The following NLRC5 variants were observed in gnomAD, a reference collection of about 807,000 sequenced individuals.
NLRC5 encodes the protein NLR family CARD domain containing 5, also known as protein NLRC5.
Under a neutral mutation model 206.9 loss-of-function variants are expected in NLRC5, and 114 were observed. The ratio of observed to expected loss-of-function variants is 0.55; its 90% CI spans 0.47 to 0.64. NLRC5 has a LOEUF of 0.64. Among genes scored for constraint, NLRC5 ranks in the 30% least tolerant of loss-of-function variants. NLRC5 has a pLI of 0.00. For missense variants in NLRC5, 2,008 were observed against 2,305.5 expected, an observed-to-expected ratio of 0.87 and a Z score of 2.64; for synonymous variants, 952 against 962.8, an observed-to-expected ratio of 0.99 and a Z score of 0.21.
Position 57,026,858 on chromosome 16 carries a change from C to A in NLRC5, c.1915C>A (p.Leu639Met). The A allele has an allele frequency of 2.5e-6, 4 of 1,614,248 alleles. No individual in the cohort carries two copies. Among genetic ancestry groups the A allele is most frequent in the Non-Finnish European group, 3.4e-6 (4 of 1,180,044 alleles). The part of the protein sequence containing the change: ...SLTAQSLPYQ[L>M]PFHNFPLTCT... ...CACCGCACAAAGCCTCCCCTATCAA[C>A]TGCCCTTCCACAATTTCCCACTGAC... The change falls in exon 6 of 49, where the codon CTG becomes ATG. Residue 639 changes from leucine to methionine, a missense_variant. By Grantham distance (15) the Leu-to-Met change is conservative. Coordinates refer to ENST00000688547, the MANE Select transcript of NLRC5 (RefSeq NM_001384950.1).
intron 38 of NLRC5, among the ~76,000 whole-genome samples, chr16:57,071,234 A>G (rs113936318): frequency 2.8e-3 from 190 of 68,662 alleles, no homozygotes; most frequent in East Asian, 5.1e-3. Context: ...GGAGTGAGTG[A>G]TGATGGTGGT....
rs71152231 is a variant in NLRC5 at position 57,030,438 on chromosome 16, AGATG to A, written c.2417+379_2417+382del. On this transcript the variant is annotated intron_variant, in intron 10 of 48. Coordinates refer to ENST00000688547, the MANE Select transcript of NLRC5 (RefSeq NM_001384950.1). ...TGAAAAGATGGATGGGTGGATGAAA[AGATG>A]GATGGATGGATGGATGGATGGATGA... 1.0e-4 allele frequency among the ~76,000 whole-genome samples: 9 copies of A among 89,642 alleles called. 1 individual carries two copies. The highest frequency in any genetic ancestry group is 3.1e-4 in the East Asian group (1 of 3,180). 58.8% of individuals were successfully genotyped at this position (89,642 alleles called of 152,430 possible).
intron 17 of NLRC5, chr16:57,041,212 T>C (rs2063240374): frequency 4.3e-6 from 2 of 467,256 alleles, no homozygotes; most frequent in South Asian, 5.7e-5. Flanking sequence ...CAGTCTTATC[T>C]GTCTTCCTCT....
rs758040701 is a variant in NLRC5, at chr16:57,025,801, G to A, written c.858G>A (p.Ser286=). ...LLFDLYLSPE[S]DHDTVFQYLE... is the part of the protein sequence containing the mutation. ...TTGATCTGTACCTGAGCCCTGAATC[G>A]GACCACGACACTGTCTTCCAGTACC... Residue 286 remains serine, a synonymous_variant, in exon 6 of 49, where the codon TCG becomes TCA. Transcript: ENST00000688547. 78 of 1,614,066 alleles carry A rather than the reference G, an allele frequency of 4.8e-5. No homozygotes were observed. The highest frequency in any genetic ancestry group is 3.3e-4 in the Middle Eastern group (2 of 6,084).
chr16:57,038,987 C>T (rs1339464911), intron 15 of NLRC5, among the ~76,000 whole-genome samples: 3 of 151,592 alleles, frequency 2.0e-5, no homozygotes, highest in African/African-American at 4.9e-5. Flanking sequence ...TAATCTGTTC[C>T]CATCAATAAT....
chr16:57,065,133 C>A, intron 32 of NLRC5, 79 bp from the exon 33 acceptor site: 1 of 963,788 alleles, frequency 1.0e-6, no homozygotes, highest in Non-Finnish European at 1.4e-6. Flanking sequence ...CTTGACACTC[C>A]TCCCCCGGCC....
At chr16:57,019,343 G>A (rs1314811260) in intron 2 of NLRC5, among the ~76,000 whole-genome samples, 2 of 152,126 alleles carry the variant, frequency 1.3e-5, no homozygotes, top group Non-Finnish European at 2.9e-5. Context: ...GCTGCAGTGA[G>A]CCGAGATTGC....
At chr16:57,016,849 C>A (rs1391908378) in intron 1 of NLRC5, among the ~76,000 whole-genome samples, 1 of 152,090 alleles carries the variant, frequency 6.6e-6, no homozygotes, top group Non-Finnish European at 1.5e-5. Flanking sequence ...CCAGGTGTGG[C>A]AGGAGGTGAC....
intron 32 of NLRC5, chr16:57,062,580 C>T (rs1488343225): frequency 1.9e-5 from 3 of 157,208 alleles, no homozygotes; most frequent in Admixed American, 6.3e-5. Context: ...GCACGTGTTC[C>T]TCTAACCCCG....
rs1027505324 is a variant in NLRC5, at chr16:57,010,920, G to A, written c.-127-6154G>A. 2.6e-5 allele frequency among the ~76,000 whole-genome samples: 4 copies of A among 151,360 alleles called. No individual in the cohort carries two copies. The East Asian group carries it at 7.8e-4, about 30-fold the overall frequency. ...GCTTTTTTTAAAAAAAAATCAAAATGTGCACATTAAAAAGTTTGAATGGTT... is the reference window on the plus strand; with the variant it reads ...GCTTTTTTTAAAAAAAAATCAAAATATGCACATTAAAAAGTTTGAATGGTT... On this transcript the variant is annotated intron_variant, in intron 1 of 48. Transcript: ENST00000688547.
chr16:57,004,377 C>T (rs2058670243), intron 1 of NLRC5: 1 of 152,346 alleles, frequency 6.6e-6, no homozygotes, highest in Non-Finnish European at 1.5e-5. Context: ...ATCTTCCTGC[C>T]TCAGCCTCCA....
At chr16:57,061,344 G>C in intron 30 of NLRC5, 104 bp from the exon 31 acceptor site, 1 of 1,136,696 alleles carries the variant, frequency 8.8e-7, no homozygotes, top group Non-Finnish European at 1.3e-6. Context: ...TTTGCCCTCA[G>C]AGGTGGGATG....
In NLRC5 at chr16:57,074,641, T is replaced by G; in HGVS notation, c.4709T>G (p.Leu1570Arg). Residue 1570 changes from leucine (L) to arginine (R), a missense_variant, in exon 39 of 49, where the codon CTT becomes CGT. Physicochemically the swap from Leu to Arg is moderately radical, Grantham distance 102 (BLOSUM62 -2). Transcript: ENST00000688547. ...LLLNSSTLAL[L>R]THRLSQMTCL... ...CTGAACAGCTCCACCTTGGCCTTGC[T>G]TACTCACAGACTAAGCCAGATGACC... 1.2e-6 allele frequency: 2 copies of G among 1,614,008 alleles called. No homozygotes were observed. The highest frequency in any genetic ancestry group is 1.1e-5 in the South Asian group (1 of 91,084).
rs1158838957 is a variant in NLRC5, at chr16:57,044,913, G to GA, written c.3204-526dup. Among the ~76,000 whole-genome samples, 24 of 144,556 alleles carry GA rather than the reference G, an allele frequency of 1.7e-4. No homozygotes were observed. In the East Asian group the frequency reaches 2.5e-3, roughly 15 times the overall value. 94.8% of individuals were successfully genotyped at this position (144,556 alleles called of 152,430 possible). ...CAACAGAGCAAGACTCTGTCTCAAA[G>GA]AAAAAAAAATGTCAGGCACAATGGC... is the stretch of plus-strand genomic sequence containing the variant. On this transcript the variant is annotated intron_variant, in intron 20 of 48. Transcript: ENST00000688547.
Position 57,025,860 on chromosome 16 carries a change from T to C in NLRC5, c.917T>C (p.Phe306Ser), listed in dbSNP as rs764261540. Residue 306 changes from phenylalanine (F) to serine (S), a missense_variant, in exon 6 of 49, where the codon TTT becomes TCT. Coordinates refer to ENST00000688547, the MANE Select transcript of NLRC5 (RefSeq NM_001384950.1). Reference sequence around the variant, plus strand: ...AACGCTGACCAAGTCCTGCTGATCTTTGATGGGCTAGATGAGGCCCTCCAG... The same window carrying C: ...AACGCTGACCAAGTCCTGCTGATCTCTGATGGGCTAGATGAGGCCCTCCAG... ...EKNADQVLLI[F>S]DGLDEALQPM... The C allele has an allele frequency of 1.2e-6, 2 of 1,614,140 alleles. No individual in the cohort carries two copies. The highest frequency in any genetic ancestry group is 1.7e-6 in the Non-Finnish European group (2 of 1,180,050).
chr16:57,055,348 G>A (rs2065483500), intron 26 of NLRC5, 85 bp from the exon 27 acceptor site: 1 of 1,308,214 alleles, frequency 7.6e-7, no homozygotes, highest in South Asian at 1.2e-5. Flanking sequence ...GGAGCCCAGA[G>A]GCTGTGCCCT....
intron 23 of NLRC5, among the ~76,000 whole-genome samples, chr16:57,049,457 GC>G (rs2064523892): frequency 1.3e-5 from 2 of 152,280 alleles, no homozygotes; most frequent in Admixed American, 6.5e-5. Context: ...CCCACTGGCG[GC>G]CCGGCACGGT....
intron 1 of NLRC5, among the ~76,000 whole-genome samples, chr16:57,002,358 G>A (rs537287542): frequency 6.6e-6 from 1 of 152,198 alleles, no homozygotes; most frequent in Non-Finnish European, 1.5e-5. Flanking sequence ...ATGTTAGCCA[G>A]GTTGGTCTCC....
chr16:57,011,662 C>T (rs1298470771), intron 1 of NLRC5, among the ~76,000 whole-genome samples: 3 of 150,848 alleles, frequency 2.0e-5, no homozygotes, highest in Non-Finnish European at 4.4e-5. Context: ...TAGGAGGCTG[C>T]ATGAGCTATG....
Sources: gnomAD v4.1 joint callset for allele counts (sites outside exome capture counted in the v4.1 genomes callset) on GRCh38, gnomAD v4.1.1 for gene constraint, MANE v1.5 for transcripts, NCBI Gene and HGNC (gene_info 2026-07-23, HGNC 2026-07-21) for gene names.